MEGF11: variants seen among roughly 807,000 people sequenced by gnomAD.
MEGF11 encodes the protein multiple epidermal growth factor-like domains protein 11.
Under a neutral mutation model 146.6 loss-of-function variants are expected in MEGF11, and 126 were observed. That is an observed-to-expected ratio of 0.86 (90% CI 0.74 to 1.00). The LOEUF (loss-of-function observed/expected upper bound fraction) is 1.00, where lower values mean the gene tolerates loss of function less well. Among genes scored for constraint, MEGF11 ranks in the 50% least tolerant of loss-of-function variants. The pLI, the probability that MEGF11 is intolerant of heterozygous loss-of-function variation, is 0.00. For missense variants in MEGF11, 1,509 were observed against 1,521.2 expected (o/e 0.99, Z 0.13); for synonymous variants, 532 against 583.4 (o/e 0.91, Z 1.27).
At chr15:65,922,732 C>T (rs1293246199) in intron 14 of MEGF11, 91 bp downstream of exon 14, 4 of 1,469,814 alleles carry the variant, frequency 2.7e-6, no homozygotes, top group Non-Finnish European at 3.7e-6. Context: ...TTCAAGAGCC[C>T]AGCCTCTCTC....
intron 19 of MEGF11, 38 bp from the exon 20 acceptor site, chr15:65,914,011 T>A: frequency 6.5e-7 from 1 of 1,541,694 alleles, no homozygotes; most frequent in Non-Finnish European, 8.9e-7. Context: ...GGGGCTGGCC[T>A]TCTTGCGCTT....
intron 1 of MEGF11, among the ~76,000 whole-genome samples, chr15:66,238,093 T>C (rs1232828479): frequency 1.3e-5 from 2 of 152,178 alleles, no homozygotes; most frequent in Admixed American, 6.5e-5. Flanking sequence ...AGTATCCGAA[T>C]TGCTGGAGGG....
intron 5 of MEGF11, among the ~76,000 whole-genome samples, chr15:66,026,034 G>A (rs2083318272): frequency 6.6e-6 from 1 of 152,176 alleles, no homozygotes; most frequent in South Asian, 2.1e-4. Context: ...ATCACCTGGG[G>A]AACTTTAAAA....
intron 1 of MEGF11, among the ~76,000 whole-genome samples, chr15:66,205,198 T>C (rs1487299167): frequency 6.6e-6 from 1 of 152,042 alleles, no homozygotes; most frequent in Admixed American, 6.6e-5. Context: ...TCCAGCTCTT[T>C]GGGAGACTGA....
At chr15:66,061,865 TG>T (rs1383849259) in intron 5 of MEGF11, among the ~76,000 whole-genome samples, 1 of 152,236 alleles carries the variant, frequency 6.6e-6, no homozygotes, top group Non-Finnish European at 1.5e-5. Flanking sequence ...ATCAAACTCC[TG>T]GGCTCAAGTG....
intron 10 of MEGF11, among the ~76,000 whole-genome samples, chr15:65,932,208 G>T (rs939631506): frequency 1.3e-5 from 2 of 152,188 alleles, no homozygotes; most frequent in African/African-American, 4.8e-5. Flanking sequence ...TCCCACATGG[G>T]GGTAAAGGGA....
At chr15:66,178,858 A>G (rs2090463379) in intron 1 of MEGF11, among the ~76,000 whole-genome samples, 1 of 152,220 alleles carries the variant, frequency 6.6e-6, no homozygotes, top group African/African-American at 2.4e-5. Context: ...GGTCATTAAC[A>G]TGCTTCAACG....
intron 5 of MEGF11, among the ~76,000 whole-genome samples, chr15:66,048,908 C>T (rs2084337492): frequency 6.6e-6 from 1 of 152,186 alleles, no homozygotes; most frequent in Non-Finnish European, 1.5e-5. Flanking sequence ...GGGAAGGGCA[C>T]GCTTTCTACA....
chr15:66,221,918 C>T (rs1023978922), intron 1 of MEGF11, among the ~76,000 whole-genome samples: 13 of 152,132 alleles, frequency 8.5e-5, no homozygotes, highest in African/African-American at 2.4e-4. Context: ...TCCTGATTTC[C>T]TCAAGCTGGC....
chr15:65,898,212 C>T lies in MEGF11; in HGVS notation c.3263-118G>A. The T allele has an allele frequency of 6.8e-6, 10 of 1,460,196 alleles. 1 individual carries two copies. In the South Asian group the frequency reaches 1.4e-4, roughly 21 times the overall value. 90.5% of individuals were successfully genotyped at this position (1,460,196 alleles called of 1,614,324 possible). A position where few individuals can be genotyped will look rare whatever the true frequency, so the allele number is the denominator to read the frequency against. On this transcript the variant is annotated intron_variant, in intron 25 of 25. Coordinates refer to ENST00000395614, the MANE Select transcript of MEGF11 (RefSeq NM_001385028.1). Reference sequence around the variant, plus strand: ...GAGCCAGGGATTTATAAATCTATGGCAAATACATGAGGGTTAGGACTGAGG... The same window carrying T: ...GAGCCAGGGATTTATAAATCTATGGTAAATACATGAGGGTTAGGACTGAGG...
At chr15:66,111,974 C>A (rs1161647563) in intron 4 of MEGF11, among the ~76,000 whole-genome samples, 1 of 151,758 alleles carries the variant, frequency 6.6e-6, no homozygotes, top group Non-Finnish European at 1.5e-5. Flanking sequence ...TGATCTTGAA[C>A]CGGGGGAAAC....
chr15:66,046,572 C>T (rs1179558423), intron 5 of MEGF11, among the ~76,000 whole-genome samples: 1 of 152,246 alleles, frequency 6.6e-6, no homozygotes, highest in African/African-American at 2.4e-5. Context: ...AGGGCCTCAG[C>T]TCTTGGCTAA....
Position 65,982,282 on chromosome 15 carries a change from C to G in MEGF11, c.601G>C (p.Ala201Pro). Residue 201 changes from alanine to proline, a missense_variant, in exon 6 of 26, where the codon GCC (alanine) becomes CCC (proline). By Grantham distance (27) the Ala-to-Pro change is conservative. Coordinates refer to ENST00000395614, the MANE Select transcript of MEGF11 (RefSeq NM_001385028.1). The surrounding 1 kb of genome is among the most constrained non-coding windows in gnomAD (Gnocchi z 5.6). ...CRHGASCDPR[A>P]GECLCAPGYT... Reference sequence around the variant, plus strand: ...CCAGGTGCGCAGAGGCACTCGCCGGCGCGGGGGTCGCAGCTGGCACCGTGT... The same window carrying G: ...CCAGGTGCGCAGAGGCACTCGCCGGGGCGGGGGTCGCAGCTGGCACCGTGT... 6.5e-7 allele frequency: 1 copy of G among 1,540,290 alleles called. No individual in the cohort carries two copies. Among genetic ancestry groups the G allele is most frequent in the Non-Finnish European group, 8.7e-7 (1 of 1,145,508 alleles).
chr15:65,930,611 A>G (rs2141304059), intron 11 of MEGF11, among the ~76,000 whole-genome samples: 1 of 152,176 alleles, frequency 6.6e-6, no homozygotes, highest in East Asian at 1.9e-4. Context: ...TAGCTCTTCA[A>G]ACAACATTGC....
At chr15:66,160,664 GACACACACACAC>G (rs3221608) in intron 1 of MEGF11, among the ~76,000 whole-genome samples, 19 of 137,534 alleles carry the variant, frequency 1.4e-4, no homozygotes, top group South Asian at 4.9e-4. Flanking sequence ...GCCCTAAGGG[GACACACACACAC>G]ACACACACAC....
At position 66,000,047 on chromosome 15, in the gene MEGF11, A is replaced by AC. The variant is rs2082315811; in HGVS notation, c.395-17560dup. 2.0e-5 allele frequency among the ~76,000 whole-genome samples: 3 copies of AC among 152,242 alleles called. No individual in the cohort carries two copies. In the South Asian group the frequency reaches 6.2e-4, roughly 32 times the overall value. ...GGACCTCTGGGAGACTATGAAGGCC[A>AC]CTGCCTCAGTTATCCCAGTCAAGGG... On this transcript the variant is annotated intron_variant, in intron 5 of 25. Coordinates refer to ENST00000395614, the MANE Select transcript of MEGF11 (RefSeq NM_001385028.1).
At chr15:66,201,864 T>C (rs1448196862) in intron 1 of MEGF11, among the ~76,000 whole-genome samples, 1 of 145,804 alleles carries the variant, frequency 6.9e-6, no homozygotes, top group African/African-American at 2.6e-5. Flanking sequence ...GAAGAATCAC[T>C]TGAACCCAGG....
chr15:65,928,785 A>G (rs1432930165), intron 12 of MEGF11, among the ~76,000 whole-genome samples: 1 of 152,084 alleles, frequency 6.6e-6, no homozygotes, highest in African/African-American at 2.4e-5. Flanking sequence ...TAACAGGAGT[A>G]TGAGGTTGAG....
At chr15:66,196,331 G>C (rs1233264703) in intron 1 of MEGF11, among the ~76,000 whole-genome samples, 2 of 152,080 alleles carry the variant, frequency 1.3e-5, no homozygotes, top group Admixed American at 6.5e-5. Context: ...AATTAGCCGG[G>C]CATGGTGTCG....
Sources: gnomAD v4.1 joint callset for allele counts (sites outside exome capture counted in the v4.1 genomes callset) on GRCh38, gnomAD v4.1.1 for gene constraint, Gnocchi (gnomAD v3.1) non-coding constraint, MANE v1.5 for transcripts, NCBI Gene and HGNC (gene_info 2026-07-23, HGNC 2026-07-21) for gene names.